The following TAFA1 variants were observed in gnomAD, a reference collection of about 807,000 sequenced individuals.
TAFA1 encodes chemokine-like protein TAFA-1.
A neutral mutation model predicts 18.5 loss-of-function variants in TAFA1; 4 were observed. That is an observed-to-expected ratio of 0.22 (90% CI 0.11 to 0.49). TAFA1 has a LOEUF of 0.49. Ranked by LOEUF, TAFA1 falls within the 20% of genes least tolerant of loss-of-function variation. The pLI, the probability that TAFA1 is intolerant of heterozygous loss-of-function variation, is 0.98. For missense variants in TAFA1, 147 were observed against 169.0 expected (o/e 0.87, Z 0.72); for synonymous variants, 56 against 55.2 (o/e 1.01, Z -0.06).
intron 2 of TAFA1, among the ~76,000 whole-genome samples, chr3:68,222,145 G>A (rs201556827): frequency 6.6e-5 from 10 of 151,946 alleles, no homozygotes; most frequent in Middle Eastern, 3.4e-3. Context: ...CAAGTTAAAC[G>A]TTAACACATG....
intron 3 of TAFA1, among the ~76,000 whole-genome samples, chr3:68,456,658 G>A (rs1201441766): frequency 6.6e-6 from 1 of 152,072 alleles, no homozygotes; most frequent in Non-Finnish European, 1.5e-5. Context: ...TATGGGTATG[G>A]CTTTCTTATA....
intron 2 of TAFA1, among the ~76,000 whole-genome samples, chr3:68,377,939 G>A (rs757018432): frequency 6.6e-6 from 1 of 152,160 alleles, no homozygotes. Context: ...ATGGGCCTGT[G>A]GGTACACAGA....
At chr3:68,096,783 C>G (rs1432260953) in intron 2 of TAFA1, among the ~76,000 whole-genome samples, 1 of 152,116 alleles carries the variant, frequency 6.6e-6, no homozygotes, top group Non-Finnish European at 1.5e-5. Flanking sequence ...CACAAATACA[C>G]ATGCACACAC....
chr3:68,105,628 T>G (rs1396139336), intron 2 of TAFA1, among the ~76,000 whole-genome samples: 1 of 152,114 alleles, frequency 6.6e-6, no homozygotes, highest in Non-Finnish European at 1.5e-5. Flanking sequence ...AGAATTAAAA[T>G]GGGAGAAGAT....
At chr3:68,482,033 C>T (rs774630324) in intron 3 of TAFA1, among the ~76,000 whole-genome samples, 3 of 152,120 alleles carry the variant, frequency 2.0e-5, no homozygotes, top group Non-Finnish European at 2.9e-5. Flanking sequence ...TTTTCTGAGA[C>T]GGAGTCTCGC....
intron 2 of TAFA1, among the ~76,000 whole-genome samples, chr3:68,033,473 T>C (rs1303392320): frequency 1.3e-5 from 2 of 152,354 alleles, no homozygotes; most frequent in South Asian, 2.1e-4. Context: ...GCATTTAGCT[T>C]CTGACATTGA....
At chr3:68,335,798 G>A (rs566401388) in intron 2 of TAFA1, among the ~76,000 whole-genome samples, 1 of 152,296 alleles carries the variant, frequency 6.6e-6, no homozygotes, top group Non-Finnish European at 1.5e-5. Context: ...ATGTGCTCAA[G>A]TAAAAATGCC....
intron 2 of TAFA1, among the ~76,000 whole-genome samples, chr3:68,287,909 G>GC (rs1415438598): frequency 8.6e-6 from 1 of 115,814 alleles, no homozygotes; most frequent in African/African-American, 3.9e-5. Flanking sequence ...GTTTTTGTTG[G>GC]GGGGTGGGGG....
intron 3 of TAFA1, among the ~76,000 whole-genome samples, chr3:68,476,113 G>A (rs1024186386): frequency 5.3e-5 from 8 of 152,072 alleles, no homozygotes; most frequent in Non-Finnish European, 1.2e-4. Context: ...ACATGGGCAA[G>A]GACTTCATGT....
chr3:68,129,795 C>T (rs186847075), intron 2 of TAFA1, among the ~76,000 whole-genome samples: 2 of 152,152 alleles, frequency 1.3e-5, no homozygotes, highest in Non-Finnish European at 2.9e-5. Context: ...CCATGGGAAT[C>T]GTAACCACAT....
At chr3:68,162,793 T>A (rs1350551889) in intron 2 of TAFA1, among the ~76,000 whole-genome samples, 3 of 152,210 alleles carry the variant, frequency 2.0e-5, no homozygotes, top group Non-Finnish European at 4.4e-5. Context: ...CTCTTGCCTC[T>A]CTGATTATGT....
At chr3:68,241,808 T>C (rs114108267) in intron 2 of TAFA1, among the ~76,000 whole-genome samples, 2,733 of 152,252 alleles carry the variant, frequency 0.018, 27 homozygotes, top group Non-Finnish European at 0.028. Context: ...TCATCCGCCA[T>C]GGATGAAAAC....
chr3:68,154,317 C>T (rs925854924), intron 2 of TAFA1, among the ~76,000 whole-genome samples: 1 of 152,106 alleles, frequency 6.6e-6, no homozygotes, highest in African/African-American at 2.4e-5. Flanking sequence ...GCCAGATCTA[C>T]CTACAAGATC....
At chr3:68,174,576 T>C (rs1257140172) in intron 2 of TAFA1, among the ~76,000 whole-genome samples, 5 of 152,136 alleles carry the variant, frequency 3.3e-5, no homozygotes, top group Non-Finnish European at 7.4e-5. Flanking sequence ...GCCCTAGACA[T>C]TTGTGGAACT....
intron 3 of TAFA1, among the ~76,000 whole-genome samples, chr3:68,505,424 A>T (rs1575932261): frequency 6.6e-6 from 1 of 152,234 alleles, no homozygotes; most frequent in Admixed American, 6.5e-5. Flanking sequence ...TTACTTTTCT[A>T]TTTCTGCAAA....
At chr3:68,189,174 G>T (rs999109375) in intron 2 of TAFA1, among the ~76,000 whole-genome samples, 1 of 151,920 alleles carries the variant, frequency 6.6e-6, no homozygotes, top group African/African-American at 2.4e-5. Flanking sequence ...CATGGTAGAT[G>T]CTCAGTAGGT....
intron 2 of TAFA1, among the ~76,000 whole-genome samples, chr3:68,232,913 T>C (rs561632299): frequency 3.3e-5 from 5 of 152,164 alleles, no homozygotes; most frequent in Non-Finnish European, 7.3e-5. Flanking sequence ...CTATTTTTAG[T>C]TTTTTAAGGA....
chr3:68,077,950 T>C (rs1270106021), intron 2 of TAFA1, among the ~76,000 whole-genome samples: 1 of 152,188 alleles, frequency 6.6e-6, no homozygotes, highest in Non-Finnish European at 1.5e-5. Flanking sequence ...GAGCATGGAA[T>C]CTTCTTCCAT....
chr3:68,198,174 A>G (rs145910296), intron 2 of TAFA1, among the ~76,000 whole-genome samples: 1 of 151,740 alleles, frequency 6.6e-6, no homozygotes, highest in Non-Finnish European at 1.5e-5. Flanking sequence ...ATATGCATTT[A>G]AGTTTTATCC....
Sources: allele counts gnomAD v4.1 joint callset (sites outside exome capture counted in the v4.1 genomes callset), GRCh38; gene constraint gnomAD v4.1.1; transcripts MANE v1.5; gene names NCBI Gene and HGNC (gene_info 2026-07-23, HGNC 2026-07-21).